CORO2B: variants seen among roughly 807,000 people sequenced by gnomAD.
CORO2B encodes the protein coronin-2B.
In CORO2B, 26 loss-of-function variants were observed where a neutral mutation model predicts 58.8. That is an observed-to-expected ratio of 0.44 (90% CI 0.32 to 0.61). CORO2B has a LOEUF of 0.61. Among genes scored for constraint, CORO2B ranks in the 20% least tolerant of loss-of-function variants. The pLI, the probability that CORO2B is intolerant of heterozygous loss-of-function variation, is 0.04. For missense variants in CORO2B, 460 were observed against 645.1 expected (o/e 0.71, Z 3.11); for synonymous variants, 242 against 253.8 (o/e 0.95, Z 0.44).
At chr15:68,557,146 C>T in the CORO2B span, among the ~76,000 whole-genome samples, 2 of 152,204 alleles carry the variant, frequency 1.3e-5, no homozygotes, top group Non-Finnish European at 2.9e-5. Context: ...CATGGGAATA[C>T]ACAGCTCAAC....
At chr15:68,573,701 T>C in the CORO2B span, among the ~76,000 whole-genome samples, 1 of 152,146 alleles carries the variant, frequency 6.6e-6, no homozygotes, top group Non-Finnish European at 1.5e-5. Context: ...CGAAGCTGAC[T>C]GAGCACAGCA....
At chr15:68,716,006 T>A (rs1189322318) in intron 8 of CORO2B, among the ~76,000 whole-genome samples, 1 of 152,180 alleles carries the variant, frequency 6.6e-6, no homozygotes, top group Non-Finnish European at 1.5e-5. Context: ...GGAGCTTGAG[T>A]CTAGCTTGCT....
chr15:68,641,634 T>C (rs950482675), intron 1 of CORO2B: 1 of 975,708 alleles, frequency 1.0e-6, no homozygotes, highest in African/African-American at 1.8e-5. Context: ...GCCTATCAGG[T>C]CAGCATGTCC....
At position 68,726,964 on chromosome 15, in the gene CORO2B, A is replaced by T. The variant is rs1893318400; in HGVS notation, c.*990A>T. 6.6e-6 allele frequency: 1 copy of T among 152,262 alleles called. No individual in the cohort carries two copies. Among genetic ancestry groups the T allele is most frequent in the Admixed American group, 6.5e-5 (1 of 15,270 alleles). The allele number at this position is 152,262 out of a possible 1,614,324, so 9.4% of individuals were successfully genotyped here. Reference sequence around the variant, plus strand: ...GAGGCCCCTCACGCTCTGTGCCCCTAGATCCTTCAGGTCCCCACCCTCAGC... The same window carrying T: ...GAGGCCCCTCACGCTCTGTGCCCCTTGATCCTTCAGGTCCCCACCCTCAGC... On this transcript the variant is annotated 3_prime_UTR_variant, in exon 12 of 12. Coordinates refer to ENST00000261861, the MANE Select transcript of CORO2B (RefSeq NM_006091.5).
the CORO2B span, among the ~76,000 whole-genome samples, chr15:68,535,155 A>G: frequency 6.6e-6 from 1 of 152,194 alleles, no homozygotes; most frequent in Admixed American, 6.5e-5. Flanking sequence ...ACCCCGAGGA[A>G]GGATCATTTC....
chr15:68,644,692 G>C (rs1044568063), intron 1 of CORO2B, among the ~76,000 whole-genome samples: 3 of 152,112 alleles, frequency 2.0e-5, no homozygotes, highest in Non-Finnish European at 4.4e-5. Context: ...TGCACGTGGA[G>C]AGACATCTCC....
intron 2 of CORO2B, among the ~76,000 whole-genome samples, chr15:68,652,890 C>A (rs1039748507): frequency 1.3e-5 from 2 of 152,200 alleles, no homozygotes; most frequent in African/African-American, 4.8e-5. Flanking sequence ...TAGAGGGAAG[C>A]ATTTCTATAA....
At chr15:68,582,979 A>G (rs1427212506) in intron 1 of CORO2B, among the ~76,000 whole-genome samples, 1 of 152,098 alleles carries the variant, frequency 6.6e-6, no homozygotes, top group Admixed American at 6.5e-5. Flanking sequence ...GCCTTAGGAG[A>G]GGGAGTGTGG....
chr15:68,709,829 A>G (rs1391363503), intron 3 of CORO2B, among the ~76,000 whole-genome samples: 1 of 152,160 alleles, frequency 6.6e-6, no homozygotes, highest in Non-Finnish European at 1.5e-5. Context: ...ATAAACTGTT[A>G]TACCATTGTG....
chr15:68,664,039 G>A (rs1160638788), intron 2 of CORO2B, among the ~76,000 whole-genome samples: 1 of 152,202 alleles, frequency 6.6e-6, no homozygotes, highest in Non-Finnish European at 1.5e-5. Context: ...AGGAGCAGCT[G>A]GAACTCTCAT....
At chr15:68,554,988 G>C in the CORO2B span, among the ~76,000 whole-genome samples, 1 of 152,216 alleles carries the variant, frequency 6.6e-6, no homozygotes, top group Admixed American at 6.5e-5. Context: ...ATTGCACAGT[G>C]GTGGCTCTCC....
intron 2 of CORO2B, among the ~76,000 whole-genome samples, chr15:68,662,283 T>G (rs562607168): frequency 2.6e-5 from 4 of 152,348 alleles, no homozygotes; most frequent in African/African-American, 7.2e-5. Flanking sequence ...CGGAATCATA[T>G]TAGAATCTAT....
At chr15:68,539,475 C>T in the CORO2B span, among the ~76,000 whole-genome samples, 8 of 152,026 alleles carry the variant, frequency 5.3e-5, no homozygotes, top group Non-Finnish European at 1.2e-4. Context: ...GAGCTCCAGA[C>T]AAGCCCGGGC....
At chr15:68,704,576 A>G (rs1157248730) in intron 3 of CORO2B, among the ~76,000 whole-genome samples, 2 of 152,084 alleles carry the variant, frequency 1.3e-5, no homozygotes, top group African/African-American at 4.8e-5. Flanking sequence ...ACGTGCAGGG[A>G]CAGTTGGTTT....
chr15:68,702,926 A>C (rs1892690421), intron 3 of CORO2B, among the ~76,000 whole-genome samples: 1 of 141,760 alleles, frequency 7.1e-6, no homozygotes. Flanking sequence ...TCCTGAGTTC[A>C]AGCGATTCTC....
chr15:68,551,635 G>C, the CORO2B span, among the ~76,000 whole-genome samples: 1 of 152,116 alleles, frequency 6.6e-6, no homozygotes, highest in South Asian at 2.1e-4. Context: ...GACCCCCAGA[G>C]CCCCTGTGAG....
At chr15:68,712,103 G>T (rs1325122989) in intron 5 of CORO2B, among the ~76,000 whole-genome samples, 1 of 152,180 alleles carries the variant, frequency 6.6e-6, no homozygotes, top group Non-Finnish European at 1.5e-5. Context: ...AATGGCTAGG[G>T]TGCCAAGGCT....
chr15:68,586,844 C>T (rs1025452474), intron 1 of CORO2B, among the ~76,000 whole-genome samples: 1 of 152,116 alleles, frequency 6.6e-6, no homozygotes, highest in Non-Finnish European at 1.5e-5. Context: ...CCTCCTTGGG[C>T]TGTGTAAAGT....
At chr15:68,617,109 G>A (rs535810405) in intron 1 of CORO2B, among the ~76,000 whole-genome samples, 3 of 152,314 alleles carry the variant, frequency 2.0e-5, no homozygotes, top group African/African-American at 7.2e-5. Context: ...GACTGAGACA[G>A]AGCCAGGTCT....
Sources: gnomAD v4.1 joint callset for allele counts (sites outside exome capture counted in the v4.1 genomes callset) on GRCh38, gnomAD v4.1.1 for gene constraint, MANE v1.5 for transcripts, NCBI Gene and HGNC (gene_info 2026-07-23, HGNC 2026-07-21) for gene names.